MS4A15: variants seen among roughly 807,000 people sequenced by gnomAD.
MS4A15 encodes membrane spanning 4-domains A15.
Under a neutral mutation model 20.6 loss-of-function variants are expected in MS4A15, and 22 were observed. That is an observed-to-expected ratio of 1.07 (90% confidence interval 0.76 to 1.52). MS4A15 has a LOEUF of 1.52. MS4A15 is among the 40% of genes most tolerant of loss of function. MS4A15 has a pLI of 0.00. For synonymous variants in MS4A15, 129 were observed against 129.3 expected (o/e 1.00, Z 0.02); for missense variants, 312 against 323.0 (o/e 0.97, Z 0.26).
intron 1 of MS4A15, among the ~76,000 whole-genome samples, chr11:60,757,641 C>T (rs1227150313): frequency 6.6e-6 from 1 of 152,194 alleles, no homozygotes; most frequent in African/African-American, 2.4e-5. Flanking sequence ...TTTCCTCCAC[C>T]CTTAAAGGGA....
intron 3 of MS4A15, 33 bp from the exon 4 acceptor site, chr11:60,771,258 T>A (rs1256308311): frequency 6.2e-7 from 1 of 1,612,000 alleles, no homozygotes; most frequent in Non-Finnish European, 8.5e-7. Context: ...GGGTCCTGGC[T>A]GAGGCCTCAC....
chr11:60,771,091 ACACT>A (rs1164713691), intron 3 of MS4A15, among the ~76,000 whole-genome samples, 196 bp from the exon 4 acceptor site: 1 of 152,198 alleles, frequency 6.6e-6, no homozygotes, highest in African/African-American at 2.4e-5. Context: ...GTCAATGAAA[ACACT>A]CACCTTGTAA....
chr11:60,773,074 C>T (rs895058907), intron 4 of MS4A15, among the ~76,000 whole-genome samples: 6 of 152,210 alleles, frequency 3.9e-5, no homozygotes, highest in Admixed American at 2.6e-4. Context: ...GGAGAGGGAG[C>T]CACAGTACGG....
In MS4A15 at chr11:60,776,670, TAGATGA is replaced by T; in HGVS notation, c.*956_*961del. ...TCAGCCTGGTGTTCACCAGGCCTGG[TAGATGA>T]GATGGCTTGTCTCATCCACACCACA... is the stretch of plus-strand genomic sequence containing the variant. On this transcript the variant is annotated 3_prime_UTR_variant, in exon 7 of 7. Transcript: ENST00000405633. 6.6e-6 allele frequency: 1 copy of T among 152,234 alleles called. No individual in the cohort carries two copies. The highest frequency in any genetic ancestry group is 1.9e-4 in the East Asian group (1 of 5,190). 9.4% of individuals were successfully genotyped at this position (152,234 alleles called of 1,614,324 possible).
intron 1 of MS4A15, among the ~76,000 whole-genome samples, chr11:60,758,203 G>C (rs890207105): frequency 6.6e-6 from 1 of 152,026 alleles, no homozygotes. Flanking sequence ...CTCAGACTCA[G>C]GGTCAAGCAG....
intron 1 of MS4A15, among the ~76,000 whole-genome samples, chr11:60,758,192 G>A (rs1368569846): frequency 6.6e-6 from 1 of 151,982 alleles, no homozygotes; most frequent in Non-Finnish European, 1.5e-5. Context: ...TTTTGCTTCA[G>A]CTCAGACTCA....
intron 6 of MS4A15, among the ~76,000 whole-genome samples, chr11:60,774,428 A>G (rs1854131631): frequency 6.6e-6 from 1 of 152,106 alleles, no homozygotes; most frequent in South Asian, 2.1e-4. Context: ...AAACCAAAAC[A>G]AAACCAAAGA....
chr11:60,772,958 C>A (rs1363724946), intron 4 of MS4A15, among the ~76,000 whole-genome samples: 1 of 152,190 alleles, frequency 6.6e-6, no homozygotes, highest in African/African-American at 2.4e-5. Context: ...ATGAACTCAA[C>A]CCCTCTCCCA....
rs1854202678 is a variant in MS4A15 at position 60,776,681 on chromosome 11, G to C, written c.*966G>C. On this transcript the variant is annotated 3_prime_UTR_variant, in exon 7 of 7. Coordinates refer to ENST00000405633, the MANE Select transcript of MS4A15 (RefSeq NM_001098835.2). ...TTCACCAGGCCTGGTAGATGAGATG[G>C]CTTGTCTCATCCACACCACAGAAGG... 6.6e-6 allele frequency: 1 copy of C among 152,246 alleles called. No individual in the cohort carries two copies. Among genetic ancestry groups the C allele is most frequent in the South Asian group, 2.1e-4 (1 of 4,828 alleles). 9.4% of individuals were successfully genotyped at this position (152,246 alleles called of 1,614,324 possible).
At chr11:60,770,458 T>A (rs1590983451) in intron 3 of MS4A15, among the ~76,000 whole-genome samples, 1 of 151,210 alleles carries the variant, frequency 6.6e-6, no homozygotes, top group East Asian at 2.0e-4. Flanking sequence ...ATTAGCTGGG[T>A]GTGGTGGCGG....
intron 1 of MS4A15, among the ~76,000 whole-genome samples, chr11:60,762,107 A>G (rs1379724704): frequency 6.6e-6 from 1 of 152,238 alleles, no homozygotes; most frequent in East Asian, 1.9e-4. Context: ...AGCTATTATT[A>G]TATTAGCAAC....
intron 1 of MS4A15, among the ~76,000 whole-genome samples, chr11:60,762,830 G>A (rs1187497662): frequency 2.0e-5 from 3 of 152,192 alleles, no homozygotes; most frequent in African/African-American, 7.2e-5. Flanking sequence ...CTCTGTGTAT[G>A]TTATTTATGC....
At chr11:60,766,303 C>A (rs1355388902) in intron 2 of MS4A15, among the ~76,000 whole-genome samples, 1 of 152,212 alleles carries the variant, frequency 6.6e-6, no homozygotes. Flanking sequence ...ATCACCTAAA[C>A]CTGGGAGGCA....
Position 60,773,344 on chromosome 11 carries a change from CCTT to C in MS4A15, c.406-45_406-43del, listed in dbSNP as rs761725270. ...CTGAGCCACAGCCCCTGCCTTTTCT[CCTT>C]CTCTTTGCCTATTCCCTCTGCTCCT... On this transcript the variant is annotated intron_variant, in intron 4 of 6. Coordinates refer to ENST00000405633, the MANE Select transcript of MS4A15 (RefSeq NM_001098835.2). The C allele has an allele frequency of 2.0e-6, 3 of 1,524,090 alleles. No individual in the cohort carries two copies. In the African/African-American group the frequency reaches 4.1e-5, roughly 21 times the overall value. The allele number at this position is 1,524,090 out of a possible 1,614,324, so 94.4% of individuals were successfully genotyped here.
chr11:60,768,743 C>T (rs1416749075), intron 3 of MS4A15, among the ~76,000 whole-genome samples: 3 of 152,214 alleles, frequency 2.0e-5, no homozygotes, highest in African/African-American at 7.2e-5. Flanking sequence ...GGATTACTAA[C>T]GCTAAAATTC....
At position 60,763,774 on chromosome 11, in the gene MS4A15, T is replaced by A; in HGVS notation, c.41T>A (p.Ile14Asn). Residue 14 changes from isoleucine to asparagine, a missense_variant, in exon 2 of 7, where the codon ATC becomes AAC. Transcript: ENST00000405633. ...GCCAGCAATGGAGTGTTTGTTGTCA[T>A]CCCGCCAAACAACGCCAGTGGCCTC... ...APASNGVFVV[I>N]PPNNASGLCP... 6.2e-7 allele frequency: 1 copy of A among 1,612,276 alleles called. No homozygotes were observed. The highest frequency in any genetic ancestry group is 8.5e-7 in the Non-Finnish European group (1 of 1,179,898).
chr11:60,767,271 C>A (rs761137056), intron 2 of MS4A15, among the ~76,000 whole-genome samples: 16 of 152,186 alleles, frequency 1.1e-4, no homozygotes, highest in Non-Finnish European at 1.9e-4. Context: ...GCTTGAGATC[C>A]ATGGATCAGA....
At chr11:60,773,780 G>A (rs761871709) in intron 5 of MS4A15, 57 bp from the exon 6 acceptor site, 66 of 1,482,690 alleles carry the variant, frequency 4.5e-5, no homozygotes, top group Non-Finnish European at 5.7e-5. Context: ...TTCTCACTCG[G>A]GGGACCCCCT....
intron 1 of MS4A15, among the ~76,000 whole-genome samples, chr11:60,761,866 T>C (rs1051011958): frequency 2.0e-5 from 3 of 152,226 alleles, no homozygotes; most frequent in Non-Finnish European, 4.4e-5. Flanking sequence ...AATCCTTTTA[T>C]AGTAGTAAAG....
Sources: allele counts gnomAD v4.1 joint callset (sites outside exome capture counted in the v4.1 genomes callset), GRCh38; gene constraint gnomAD v4.1.1; transcripts MANE v1.5; gene names NCBI Gene and HGNC (gene_info 2026-07-23, HGNC 2026-07-21).